Variants in BCAT2 observed in about 807,000 individuals in gnomAD.
BCAT2 encodes the protein branched chain amino acid transaminase 2.
A neutral mutation model predicts 52.9 loss-of-function variants in BCAT2; 44 were observed. The observed-to-expected ratio is 0.83, with a 90% CI of 0.65 to 1.07. BCAT2 has a LOEUF of 1.07. BCAT2 is among the 50% of genes least tolerant of loss of function. The pLI is 0.00. For missense variants in BCAT2, 478 were observed against 521.8 expected, an observed-to-expected ratio of 0.92 and a Z score of 0.82; for synonymous variants, 215 against 217.1, an observed-to-expected ratio of 0.99 and a Z score of 0.08.
Position 48,799,540 on chromosome 19 carries a change from G to T in BCAT2, c.695+135C>A. ...TTTCAGGGACCAGGGAGGTCACTTA[G>T]CACTGAGCCCTGCACGGTGCTGATG... On this transcript the variant is annotated intron_variant, in intron 6 of 10. Coordinates refer to ENST00000316273, the MANE Select transcript of BCAT2 (RefSeq NM_001190.4). This position sits in a 1 kb window ranked among gnomAD's most constrained non-coding sequence, Gnocchi z 5.5. 1 of 1,161,410 alleles carries T rather than the reference G, an allele frequency of 8.6e-7. No individual in the cohort carries two copies. The highest frequency in any genetic ancestry group is 1.2e-6 in the Non-Finnish European group (1 of 863,134). The allele number at this position is 1,161,410 out of a possible 1,614,324, so 71.9% of individuals were successfully genotyped here.
intron 1 of BCAT2, 146 bp downstream of exon 1, chr19:48,810,838 G>A: frequency 6.7e-7 from 1 of 1,497,212 alleles, no homozygotes; most frequent in South Asian, 1.3e-5. Flanking sequence ...CCTTTCCAAA[G>A]GGCGCCATCC....
At chr19:48,806,464 AAGG>A (rs1307232958) in intron 3 of BCAT2, 50 bp downstream of exon 3, 7 of 1,594,650 alleles carry the variant, frequency 4.4e-6, no homozygotes, top group South Asian at 2.2e-5. Flanking sequence ...GAGACACAGC[AAGG>A]AGGAGGAGAT....
Position 48,808,942 on chromosome 19 carries a change from C to G in BCAT2, c.25-1868G>C, listed in dbSNP as rs536666420. On this transcript the variant is annotated intron_variant, in intron 1 of 10. Coordinates refer to ENST00000316273, the MANE Select transcript of BCAT2 (RefSeq NM_001190.4). ...TTTAAAAATTAGCCAGGTATGGTGG[C>G]ACACACCTGTAATTCCAGTTACTCA... Among the ~76,000 whole-genome samples the G allele has an allele frequency of 4.6e-5, 7 of 151,746 alleles. No homozygotes were observed. In the South Asian group the frequency reaches 1.5e-3, roughly 32 times the overall value.
In BCAT2 at chr19:48,810,976, G is replaced by T; in HGVS notation, c.24+8C>A. Reference sequence around the variant, plus strand: ...TTCCCAGACCCCGGCGCGGGGCTGCGAACCCACCTGCCCCAGAGCGGCTGC... The same window carrying T: ...TTCCCAGACCCCGGCGCGGGGCTGCTAACCCACCTGCCCCAGAGCGGCTGC... On this transcript the variant is annotated splice_region_variant and intron_variant, in intron 1 of 10. Coordinates refer to ENST00000316273, the MANE Select transcript of BCAT2 (RefSeq NM_001190.4). The T allele has an allele frequency of 6.2e-7, 1 of 1,608,088 alleles. No individual in the cohort carries two copies. Among genetic ancestry groups the T allele is most frequent in the Non-Finnish European group, 8.5e-7 (1 of 1,178,048 alleles).
intron 1 of BCAT2, among the ~76,000 whole-genome samples, chr19:48,810,159 A>G (rs371310956): frequency 2.0e-5 from 3 of 152,342 alleles, no homozygotes; most frequent in Admixed American, 1.3e-4. Flanking sequence ...TCAGTCACTA[A>G]GAGCCGAAAA....
Position 48,800,070 on chromosome 19 carries a change from T to G in BCAT2, c.442A>C (p.Ile148Leu). Residue 148 changes from isoleucine (I) to leucine (L), a missense_variant, in exon 5 of 11, where the codon ATC (isoleucine) becomes CTC (leucine). Physicochemically the swap from Ile to Leu is conservative, Grantham distance 5. Coordinates refer to ENST00000316273, the MANE Select transcript of BCAT2 (RefSeq NM_001190.4). ...SFDKLELLECIRRLIEVDKDW... is the reference protein window; with the variant it reads ...SFDKLELLECLRRLIEVDKDW... The stretch of plus-strand genomic sequence containing the variant: ...TTGTCCACTTCGATGAGCCGGCGGA[T>G]GCACTCCAGCAACTCCAGCTTGTCG... 1 of 1,614,016 alleles carries G rather than the reference T, an allele frequency of 6.2e-7. No individual in the cohort carries two copies.
rs752836872 is a variant in BCAT2, at chr19:48,796,597, C to T, written c.1046G>A (p.Arg349Gln). The T allele has an allele frequency of 3.2e-5, 51 of 1,612,852 alleles. No individual in the cohort carries two copies. Among genetic ancestry groups the T allele is most frequent in the Non-Finnish European group, 4.2e-5 (49 of 1,179,648 alleles). ...GTACQVCPVH[R>Q]ILYKDRNLHI... is the part of the protein sequence containing the mutation. ...CCTCACCCTGTCTTTGTACAGGATTCGGTGCACTGGGCAGACCTGGCAAGC... is the reference window on the plus strand; with the variant it reads ...CCTCACCCTGTCTTTGTACAGGATTTGGTGCACTGGGCAGACCTGGCAAGC... Residue 349 changes from arginine (R) to glutamine (Q), a missense_variant, in exon 9 of 11, where the codon CGA (arginine) becomes CAA (glutamine). By Grantham distance (43) the Arg-to-Gln change is conservative. Coordinates refer to ENST00000316273, the MANE Select transcript of BCAT2 (RefSeq NM_001190.4).
intron 3 of BCAT2, among the ~76,000 whole-genome samples, chr19:48,801,544 G>A (rs1251892374): frequency 6.6e-6 from 1 of 151,690 alleles, no homozygotes; most frequent in African/African-American, 2.4e-5. Flanking sequence ...AAAATTCCAG[G>A]TGCATTAAAA....
chr19:48,795,296 G>A lies in BCAT2; in HGVS notation c.*130C>T. 8.0e-7 allele frequency: 1 copy of A among 1,244,028 alleles called. No homozygotes were observed. The highest frequency in any genetic ancestry group is 1.5e-5 in the African/African-American group (1 of 67,320). The allele number at this position is 1,244,028 out of a possible 1,614,324, so 77.1% of individuals were successfully genotyped here. On this transcript the variant is annotated 3_prime_UTR_variant, in exon 11 of 11. Transcript: ENST00000316273. ...GGGAGTGTCGCAACCACATGGGGGC[G>A]CCAGAGACCCAGACGCCGCCCGCTG...
chr19:48,807,784 C>T lies in BCAT2; in HGVS notation c.25-710G>A, dbSNP rs1179419286. ...AAATACAAACCCATTTTGGCAGTGA[C>T]TCCAATTCCCTTCAGCCCCTGGGGC... On this transcript the variant is annotated intron_variant, in intron 1 of 10. Coordinates refer to ENST00000316273, the MANE Select transcript of BCAT2 (RefSeq NM_001190.4). The surrounding 1 kb of genome is among the most constrained non-coding windows in gnomAD (Gnocchi z 4.6). The T allele has an allele frequency of 1.3e-5, 13 of 985,778 alleles. No homozygotes were observed. Among genetic ancestry groups the T allele is most frequent in the Non-Finnish European group, 1.6e-5 (13 of 830,120 alleles). The allele number at this position is 985,778 out of a possible 1,614,324, so 61.1% of individuals were successfully genotyped here.
Position 48,806,730 on chromosome 19 carries a change from AG to A in BCAT2, c.100-14del. The A allele has an allele frequency of 1.2e-6, 2 of 1,611,318 alleles. No homozygotes were observed. The highest frequency in any genetic ancestry group is 1.7e-6 in the Non-Finnish European group (2 of 1,179,892). On this transcript the variant is annotated splice_polypyrimidine_tract_variant and intron_variant, in intron 2 of 10. Transcript: ENST00000316273. ...GCAGGTCTGCAGCCTGAGGAAAGAC[AG>A]GGGTATCCTAGAATCTGGCCACAAC...
At chr19:48,802,761 T>C (rs896000671) in intron 3 of BCAT2, among the ~76,000 whole-genome samples, 3 of 152,144 alleles carry the variant, frequency 2.0e-5, no homozygotes, top group Non-Finnish European at 4.4e-5. Flanking sequence ...CTAGATTCTT[T>C]ATTGCAAAAT....
rs1456734815 is a variant in BCAT2 at position 48,796,684 on chromosome 19, A to C, written c.959T>G (p.Met320Arg). The C allele has an allele frequency of 6.2e-7, 1 of 1,613,314 alleles. No individual in the cohort carries two copies. Among genetic ancestry groups the C allele is most frequent in the Non-Finnish European group, 8.5e-7 (1 of 1,180,010 alleles). The change falls in exon 9 of 11, where the codon ATG becomes AGG. Residue 320 changes from methionine to arginine, a missense_variant. Physicochemically the swap from Met to Arg is moderately conservative, Grantham distance 91. Coordinates refer to ENST00000316273, the MANE Select transcript of BCAT2 (RefSeq NM_001190.4). ...EFRVVERTIT[M>R]KQLLRALEEG... ...CTCCAGGGCCCGCAGCAACTGCTTC[A>C]TGGTGATCGTGCGCTCCACCACCCG...
intron 6 of BCAT2, among the ~76,000 whole-genome samples, chr19:48,798,193 C>T (rs2034574907): frequency 6.6e-6 from 1 of 152,196 alleles, no homozygotes. Flanking sequence ...GCGTGAGCTA[C>T]CGCGCCTGGC....
chr19:48,808,728 C>T (rs2034850921), intron 1 of BCAT2, among the ~76,000 whole-genome samples: 1 of 151,858 alleles, frequency 6.6e-6, no homozygotes, highest in African/African-American at 2.4e-5. Flanking sequence ...GCACTCCAGC[C>T]TGGGCGACAG....
intron 3 of BCAT2, among the ~76,000 whole-genome samples, chr19:48,801,539 T>C (rs1054703393): frequency 6.6e-6 from 1 of 151,870 alleles, no homozygotes; most frequent in Non-Finnish European, 1.5e-5. Context: ...CAGAAAAAAT[T>C]CCAGGTGCAT....
intron 6 of BCAT2, among the ~76,000 whole-genome samples, chr19:48,798,181 A>C (rs1308582652): frequency 1.3e-5 from 2 of 152,144 alleles, no homozygotes; most frequent in Non-Finnish European, 2.9e-5. Flanking sequence ...CTGGGATTAC[A>C]AGCGTGAGCT....
At chr19:48,796,793 G>A (rs2034533103) in intron 8 of BCAT2, 75 bp from the exon 9 acceptor site, 3 of 1,590,296 alleles carry the variant, frequency 1.9e-6, no homozygotes, top group African/African-American at 2.7e-5. Flanking sequence ...CCCTCCCTGA[G>A]GATAGTGAGA....
chr19:48,799,679 C>G lies in BCAT2; in HGVS notation c.691G>C (p.Gly231Arg). 1 of 1,578,076 alleles carries G rather than the reference C, an allele frequency of 6.3e-7. No individual in the cohort carries two copies. Residue 231 changes from glycine (G) to arginine (R), a missense_variant, in exon 6 of 11, where the codon GGT (glycine) becomes CGT (arginine). Transcript: ENST00000316273. The surrounding 1 kb of genome is among the most constrained non-coding windows in gnomAD (Gnocchi z 5.5). The part of the protein sequence containing the change: ...WVGGVGNYKL[G>R]GNYGPTVLVQ... Reference sequence around the variant, plus strand: ...GGGGATGGGGGTGCTACTTACCCACCTAACTTGTAGTTGCCGACCCCGCCC... The same window carrying G: ...GGGGATGGGGGTGCTACTTACCCACGTAACTTGTAGTTGCCGACCCCGCCC...
Sources: gnomAD v4.1 joint callset for allele counts (sites outside exome capture counted in the v4.1 genomes callset) on GRCh38, gnomAD v4.1.1 for gene constraint, Gnocchi (gnomAD v3.1) non-coding constraint, MANE v1.5 for transcripts, NCBI Gene and HGNC (gene_info 2026-07-23, HGNC 2026-07-21) for gene names.